Variants in EPSTI1 observed in about 807,000 individuals in gnomAD.
EPSTI1 encodes epithelial stromal interaction 1.
In EPSTI1, 66 loss-of-function variants were observed where a neutral mutation model predicts 49.9. The observed-to-expected ratio is 1.32, with a 90% CI of 1.08 to 1.62. The LOEUF (loss-of-function observed/expected upper bound fraction) is 1.62. Ranked by LOEUF, EPSTI1 falls within the 40% of genes most tolerant of loss-of-function variation. The probability of loss-of-function intolerance (pLI) is 0.00; values close to 1 mark genes in which losing one functional copy is unlikely to be tolerated. For synonymous variants in EPSTI1, 137 were observed against 130.7 expected (o/e 1.05, Z -0.33); for missense variants, 394 against 365.5 (o/e 1.08, Z -0.64).
At chr13:42,888,841 G>T (rs2036943414) in intron 10 of EPSTI1, among the ~76,000 whole-genome samples, 1 of 152,146 alleles carries the variant, frequency 6.6e-6, no homozygotes, top group Non-Finnish European at 1.5e-5. Flanking sequence ...GAACACATGT[G>T]GAACAGAGCA....
At chr13:42,986,088 T>C (rs1392726046) in intron 1 of EPSTI1, among the ~76,000 whole-genome samples, 2 of 152,318 alleles carry the variant, frequency 1.3e-5, no homozygotes, top group African/African-American at 4.8e-5. Flanking sequence ...CACCCTGGAA[T>C]GCTCAGCCAT....
chr13:42,911,039 A>G (rs1241872825), intron 8 of EPSTI1, among the ~76,000 whole-genome samples: 1 of 152,246 alleles, frequency 6.6e-6, no homozygotes, highest in East Asian at 1.9e-4. Context: ...TTCTTGTCAC[A>G]TGACCTATCC....
At position 42,917,640 on chromosome 13, in the gene EPSTI1, G is replaced by GATAAA; in HGVS notation, c.658-17_658-16insTTTAT. On this transcript the variant is annotated splice_polypyrimidine_tract_variant and intron_variant, in intron 7 of 10. Coordinates refer to ENST00000313624, the MANE Select transcript of EPSTI1 (RefSeq NM_033255.5). ...AGCTTCTGGCCTGTAAAGGTACAAA[G>GATAAA]AGAAAAAAAAAAAAAAAAACAACTT... 2.7e-5 allele frequency: 4 copies of GATAAA among 149,406 alleles called. No individual in the cohort carries two copies. The highest frequency in any genetic ancestry group is 4.3e-5 in the Non-Finnish European group (4 of 92,628). The allele number at this position is 149,406 out of a possible 1,614,324, so 9.3% of individuals were successfully genotyped here.
chr13:42,929,189 T>G (rs1334842768), intron 6 of EPSTI1, among the ~76,000 whole-genome samples: 3 of 152,258 alleles, frequency 2.0e-5, no homozygotes, highest in African/African-American at 7.2e-5. Context: ...GATCTGACAC[T>G]GAAGTTAAGC....
chr13:42,920,593 G>A (rs1487479432), intron 7 of EPSTI1, among the ~76,000 whole-genome samples: 1 of 152,154 alleles, frequency 6.6e-6, no homozygotes, highest in Non-Finnish European at 1.5e-5. Context: ...AGTCTCAGTA[G>A]AAGCCCTTCA....
At chr13:42,966,743 CG>C (rs1594744866) in intron 3 of EPSTI1, among the ~76,000 whole-genome samples, 1 of 87,974 alleles carries the variant, frequency 1.1e-5, no homozygotes. Context: ...AGGTGAGGGG[CG>C]CCTCCGCCCG....
chr13:42,940,949 C>T (rs1440957514), intron 6 of EPSTI1, among the ~76,000 whole-genome samples: 1 of 152,114 alleles, frequency 6.6e-6, no homozygotes, highest in Non-Finnish European at 1.5e-5. Flanking sequence ...ATCCTATAAA[C>T]ATTCTTTGTG....
intron 6 of EPSTI1, among the ~76,000 whole-genome samples, chr13:42,945,796 G>C (rs963334360): frequency 3.3e-5 from 5 of 152,174 alleles, no homozygotes; most frequent in Admixed American, 1.3e-4. Flanking sequence ...TATCTGCAGG[G>C]AGAATTGATA....
chr13:42,891,185 AT>A (rs1278125400), intron 10 of EPSTI1, among the ~76,000 whole-genome samples: 7 of 152,022 alleles, frequency 4.6e-5, no homozygotes, highest in Middle Eastern at 3.4e-3. Flanking sequence ...GTGATAGTCT[AT>A]TTTTTTTCTA....
At chr13:42,904,194 T>C (rs1156249958) in intron 8 of EPSTI1, among the ~76,000 whole-genome samples, 1 of 152,142 alleles carries the variant, frequency 6.6e-6, no homozygotes, top group Non-Finnish European at 1.5e-5. Context: ...AGTGGTTCAG[T>C]GACTATTTTA....
chr13:42,901,706 C>T (rs560042413), intron 8 of EPSTI1, among the ~76,000 whole-genome samples: 1 of 152,278 alleles, frequency 6.6e-6, no homozygotes, highest in South Asian at 2.1e-4. Flanking sequence ...TCAATTCCTG[C>T]ATGTGGTTTC....
chr13:42,896,390 C>A (rs960452020), intron 9 of EPSTI1, among the ~76,000 whole-genome samples: 5 of 152,108 alleles, frequency 3.3e-5, no homozygotes, highest in African/African-American at 4.8e-5. Flanking sequence ...CAGTAAACAA[C>A]ACAACCACTG....
intron 2 of EPSTI1, 172 bp downstream of exon 2, chr13:42,970,440 G>T: frequency 2.0e-6 from 1 of 491,510 alleles, no homozygotes; most frequent in Non-Finnish European, 3.5e-6. Flanking sequence ...AAACTTAGAA[G>T]TGTTAATAGT....
At chr13:42,905,207 C>T (rs894061905) in intron 8 of EPSTI1, among the ~76,000 whole-genome samples, 3 of 151,920 alleles carry the variant, frequency 2.0e-5, no homozygotes, top group Non-Finnish European at 2.9e-5. Flanking sequence ...CATCCTATTA[C>T]GGAGGCAAGG....
rs1555260790 is a variant in EPSTI1, at chr13:42,917,642, G to GGAA, written c.658-19_658-18insTTC. The GGAA allele has an allele frequency of 3.8e-5, 16 of 425,628 alleles. No individual in the cohort carries two copies. The highest frequency in any genetic ancestry group is 5.3e-5 in the Non-Finnish European group (13 of 245,758). 26.4% of individuals were successfully genotyped at this position (425,628 alleles called of 1,614,324 possible). ...CTTCTGGCCTGTAAAGGTACAAAGA[G>GGAA]AAAAAAAAAAAAAAAAACAACTTGA... On this transcript the variant is annotated intron_variant, in intron 7 of 10. Coordinates refer to ENST00000313624, the MANE Select transcript of EPSTI1 (RefSeq NM_033255.5).
At chr13:42,940,995 AT>A (rs758014497) in intron 6 of EPSTI1, among the ~76,000 whole-genome samples, 19 of 152,170 alleles carry the variant, frequency 1.2e-4, no homozygotes, top group Non-Finnish European at 1.8e-4. Context: ...TGAGGCAAAT[AT>A]TTTTTCCTAG....
intron 6 of EPSTI1, among the ~76,000 whole-genome samples, chr13:42,948,893 GC>G (rs1226773167): frequency 6.6e-6 from 1 of 152,124 alleles, no homozygotes; most frequent in Non-Finnish European, 1.5e-5. Context: ...AAAATCCCAA[GC>G]CCCCCAACAG....
intron 1 of EPSTI1, among the ~76,000 whole-genome samples, chr13:42,972,800 A>G (rs985308028): frequency 7.9e-5 from 12 of 152,136 alleles, no homozygotes; most frequent in African/African-American, 2.7e-4. Flanking sequence ...GAAACCACAA[A>G]AGCACCCCAC....
At position 42,911,422 on chromosome 13, in the gene EPSTI1, A is replaced by G. The variant is rs114099194; in HGVS notation, c.741+6119T>C. On this transcript the variant is annotated intron_variant, in intron 8 of 10. Coordinates refer to ENST00000313624, the MANE Select transcript of EPSTI1 (RefSeq NM_033255.5). ...TAGGGAAAAAAAATCTGTTCCTTGAAAATTTGAAGGAACTTGCTTCTAAAA... is the reference window on the plus strand; with the variant it reads ...TAGGGAAAAAAAATCTGTTCCTTGAGAATTTGAAGGAACTTGCTTCTAAAA... Among the ~76,000 whole-genome samples, 1,507 of 152,300 alleles carry G rather than the reference A, an allele frequency of 9.9e-3. 24 individuals are homozygous for G. Among genetic ancestry groups the G allele is most frequent in the African/African-American group, 0.034 (1,427 of 41,548 alleles).
Sources: allele counts gnomAD v4.1 joint callset (sites outside exome capture counted in the v4.1 genomes callset), GRCh38; gene constraint gnomAD v4.1.1; transcripts MANE v1.5; gene names NCBI Gene and HGNC (gene_info 2026-07-23, HGNC 2026-07-21).